Variants in PELI2 observed in about 807,000 individuals in gnomAD.
PELI2 encodes the protein pellino E3 ubiquitin protein ligase family member 2, also known as E3 ubiquitin-protein ligase pellino homolog 2.
In PELI2, 23 loss-of-function variants were observed where a neutral mutation model predicts 42.3. The observed-to-expected ratio is 0.54, with a 90% CI of 0.39 to 0.77. The LOEUF (loss-of-function observed/expected upper bound fraction) is 0.77, where lower values mean the gene tolerates loss of function less well. Ranked by LOEUF, PELI2 falls within the 30% of genes least tolerant of loss-of-function variation. PELI2 has a pLI of 0.00. For synonymous variants in PELI2, 245 were observed against 212.2 expected (o/e 1.15, Z -1.34); for missense variants, 463 against 553.2 (o/e 0.84, Z 1.64).
intron 3 of PELI2, among the ~76,000 whole-genome samples, chr14:56,280,320 A>G (rs1466645487): frequency 6.6e-6 from 1 of 152,106 alleles, no homozygotes; most frequent in Non-Finnish European, 1.5e-5. Flanking sequence ...AAAGTACAGG[A>G]TGGGTTTGGG....
intron 1 of PELI2, among the ~76,000 whole-genome samples, chr14:56,146,416 A>T (rs945436608): frequency 6.6e-6 from 1 of 152,212 alleles, no homozygotes; most frequent in African/African-American, 2.4e-5. Context: ...TCCCTTGGCG[A>T]TGCATTGGTT....
chr14:56,132,449 G>T (rs1365293414), intron 1 of PELI2, among the ~76,000 whole-genome samples: 1 of 152,198 alleles, frequency 6.6e-6, no homozygotes, highest in African/African-American at 2.4e-5. Flanking sequence ...CAGTGGAAAT[G>T]CTGGAGAGTT....
chr14:56,203,369 G>T (rs1337168489), intron 2 of PELI2, among the ~76,000 whole-genome samples: 1 of 152,034 alleles, frequency 6.6e-6, no homozygotes, highest in Non-Finnish European at 1.5e-5. Context: ...CGTAATGTCT[G>T]CAACTTAATG....
chr14:56,181,397 G>A (rs1885575342), intron 2 of PELI2, among the ~76,000 whole-genome samples: 1 of 131,836 alleles, frequency 7.6e-6, no homozygotes, highest in South Asian at 2.4e-4. Context: ...CCTTAAGAAT[G>A]CCAGTAAATG....
intron 2 of PELI2, among the ~76,000 whole-genome samples, chr14:56,183,235 GA>G (rs1308603183): frequency 2.6e-5 from 4 of 151,728 alleles, no homozygotes; most frequent in East Asian, 3.9e-4. Context: ...TCTGAGAGAA[GA>G]AAAAAATAAC....
chr14:56,242,041 A>G (rs376620443), intron 2 of PELI2, among the ~76,000 whole-genome samples: 1 of 152,214 alleles, frequency 6.6e-6, no homozygotes. Context: ...GTAATGGCCT[A>G]GCAATCAGCT....
At chr14:56,265,520 G>T (rs1025892499) in intron 2 of PELI2, among the ~76,000 whole-genome samples, 2 of 151,956 alleles carry the variant, frequency 1.3e-5, no homozygotes, top group Non-Finnish European at 2.9e-5. Context: ...AAACATAGAA[G>T]AAAAATCTTT....
At position 56,118,616 on chromosome 14, in the gene PELI2, G is replaced by T. The variant is rs780423263; in HGVS notation, c.-45G>T. Reference sequence around the variant, plus strand: ...CGCGGACTCGGCGGGGATCGCGGCGGAGGCGGCGGCGTCGGCGGCGGCGTC... The same window carrying T: ...CGCGGACTCGGCGGGGATCGCGGCGTAGGCGGCGGCGTCGGCGGCGGCGTC... On this transcript the variant is annotated 5_prime_UTR_variant, in exon 1 of 6. Transcript: ENST00000267460. The T allele has an allele frequency of 4.5e-4, 560 of 1,238,124 alleles. 2 individuals are homozygous for T. The African/African-American group carries it at 7.6e-3, about 17-fold the overall frequency. The allele number at this position is 1,238,124 out of a possible 1,614,324, so 76.7% of individuals were successfully genotyped here.
intron 2 of PELI2, among the ~76,000 whole-genome samples, chr14:56,207,421 C>T (rs1488942702): frequency 2.0e-5 from 3 of 152,120 alleles, no homozygotes; most frequent in Non-Finnish European, 2.9e-5. Flanking sequence ...ATATTATACT[C>T]ACTACCCACA....
intron 2 of PELI2, among the ~76,000 whole-genome samples, chr14:56,278,470 C>T (rs868722088): frequency 1.3e-5 from 2 of 152,080 alleles, no homozygotes; most frequent in East Asian, 1.9e-4. Flanking sequence ...AAATTTAAGA[C>T]GATGTCTGTT....
intron 2 of PELI2, 136 bp downstream of exon 2, chr14:56,178,600 G>A: frequency 1.0e-6 from 1 of 997,624 alleles, no homozygotes. Context: ...ATAATGCTTT[G>A]TTGTGAGGGG....
intron 1 of PELI2, among the ~76,000 whole-genome samples, chr14:56,140,834 T>C (rs1216373626): frequency 1.3e-5 from 2 of 152,136 alleles, no homozygotes; most frequent in Non-Finnish European, 2.9e-5. Context: ...CTTGGTATTA[T>C]GGGAGCTTTG....
At chr14:56,249,321 A>G (rs1293029395) in intron 2 of PELI2, among the ~76,000 whole-genome samples, 1 of 152,120 alleles carries the variant, frequency 6.6e-6, no homozygotes, top group Non-Finnish European at 1.5e-5. Flanking sequence ...AACATCCTTT[A>G]CATATATCAT....
intron 2 of PELI2, among the ~76,000 whole-genome samples, chr14:56,246,782 T>C (rs921895354): frequency 1.3e-5 from 2 of 152,252 alleles, no homozygotes; most frequent in Admixed American, 6.5e-5. Flanking sequence ...GTAGCAGCGC[T>C]GTGTCTCCTA....
intron 2 of PELI2, among the ~76,000 whole-genome samples, chr14:56,233,611 G>A (rs1407227057): frequency 6.6e-6 from 1 of 151,984 alleles, no homozygotes; most frequent in Non-Finnish European, 1.5e-5. Flanking sequence ...AACTCAAGAT[G>A]GATTAAAGAC....
intron 1 of PELI2, among the ~76,000 whole-genome samples, chr14:56,161,162 A>G (rs1382474664): frequency 6.6e-6 from 1 of 152,208 alleles, no homozygotes; most frequent in Non-Finnish European, 1.5e-5. Context: ...ATGCCAGGAA[A>G]TAGCCCCTCA....
chr14:56,296,309 G>C (rs1021870625), intron 5 of PELI2, among the ~76,000 whole-genome samples: 2 of 152,150 alleles, frequency 1.3e-5, no homozygotes, highest in Non-Finnish European at 2.9e-5. Context: ...AATCTTAGGA[G>C]ATTTGTGAAG....
At chr14:56,167,869 A>G (rs1418834474) in intron 1 of PELI2, among the ~76,000 whole-genome samples, 1 of 152,184 alleles carries the variant, frequency 6.6e-6, no homozygotes, top group Non-Finnish European at 1.5e-5. Flanking sequence ...TCTAAGCTAT[A>G]TCGGCTTTAG....
At position 56,182,072 on chromosome 14, in the gene PELI2, C is replaced by T. The variant is rs539871051; in HGVS notation, c.207+3608C>T. Among the ~76,000 whole-genome samples, 20 of 151,982 alleles carry T rather than the reference C, an allele frequency of 1.3e-4. 1 individual carries two copies. The highest frequency in any genetic ancestry group is 3.9e-4 in the East Asian group (2 of 5,172). The stretch of plus-strand genomic sequence containing the variant: ...GCTAAATGTCTAGTGAGTAGGCAAA[C>T]GAGAAAGAATCATGGGATATACATT... On this transcript the variant is annotated intron_variant, in intron 2 of 5. Coordinates refer to ENST00000267460, the MANE Select transcript of PELI2 (RefSeq NM_021255.3).
Sources: allele counts gnomAD v4.1 joint callset (sites outside exome capture counted in the v4.1 genomes callset), GRCh38; gene constraint gnomAD v4.1.1; transcripts MANE v1.5; gene names NCBI Gene and HGNC (gene_info 2026-07-23, HGNC 2026-07-21).